DEPDC4: variants seen among roughly 807,000 people sequenced by gnomAD.
DEPDC4 encodes DEP domain containing 4.
DEPDC4 carries 52 observed loss-of-function variants against 52.0 expected under a neutral mutation model. That is an observed-to-expected ratio of 1.00 (90% CI 0.80 to 1.26). The LOEUF is 1.26. Among genes scored for constraint, DEPDC4 ranks in the 50% most tolerant of loss-of-function variants. The pLI is 0.00. For synonymous variants in DEPDC4, 201 were observed against 196.8 expected, an observed-to-expected ratio of 1.02 and a Z score of -0.18; for missense variants, 530 against 546.9, an observed-to-expected ratio of 0.97 and a Z score of 0.31.
the DEPDC4 span, among the ~76,000 whole-genome samples, chr12:100,279,348 C>T: frequency 1.3e-5 from 2 of 152,240 alleles, no homozygotes; most frequent in Non-Finnish European, 2.9e-5. Context: ...GGCAGTAATG[C>T]TTGCTCGCCT....
rs180705231 is a variant in DEPDC4 at position 100,233,783 on chromosome 12, G to T, written c.*699+4185C>A. The stretch of plus-strand genomic sequence containing the variant: ...TGCAATCTACTTGTAGAGTGTACCG[G>T]AAGGAAAGATTTCCAGGAAAAAGAT... On this transcript the variant is annotated intron_variant and NMD_transcript_variant, in intron 9 of 10. Transcript: ENST00000378244. Among the ~76,000 whole-genome samples the T allele has an allele frequency of 1.2e-4, 18 of 152,302 alleles. No individual in the cohort carries two copies. The East Asian group carries it at 3.5e-3, about 29-fold the overall frequency.
At chr12:100,265,111 C>A (rs2153925724) in intron 1 of DEPDC4, among the ~76,000 whole-genome samples, 1 of 150,318 alleles carries the variant, frequency 6.7e-6, no homozygotes, top group Non-Finnish European at 1.5e-5. Flanking sequence ...CTAGCTTGGG[C>A]AACACAGGGA....
rs1223403156 is a variant in DEPDC4 at position 100,256,186 on chromosome 12, C to T, written c.741G>A (p.Leu247=). 1.2e-6 allele frequency: 2 copies of T among 1,612,576 alleles called. No homozygotes were observed. The highest frequency in any genetic ancestry group is 3.3e-5 in the Admixed American group (2 of 59,912). ...TATTGTCCAAGAATGGAAGGTGAAT[C>T]AATTGAAGAAGACATAATAATGTTT... ...KEQTLLCLLQ[L]IHLPFLDNIL... The change falls in exon 4 of 10, where the codon TTG becomes TTA. Residue 247 remains leucine (L), a synonymous_variant. Transcript: ENST00000550587.
upstream of DEPDC4, chr12:100,267,190 C>G: frequency 1.7e-6 from 2 of 1,149,228 alleles, 1 homozygote; most frequent in South Asian, 3.0e-5. Context: ...CTTTTTCCCC[C>G]TCCCTTACTC....
intron 1 of DEPDC4, 125 bp downstream of exon 1, chr12:100,266,795 G>A: frequency 7.7e-7 from 1 of 1,303,272 alleles, no homozygotes; most frequent in Non-Finnish European, 1.0e-6. Flanking sequence ...GGTAGGGCAG[G>A]AAGGGGGCGG....
chr12:100,273,572 A>G, the DEPDC4 span, among the ~76,000 whole-genome samples: 2 of 152,218 alleles, frequency 1.3e-5, no homozygotes, highest in East Asian at 3.8e-4. Flanking sequence ...CCATACGTAC[A>G]TCAGTGTTGA....
At position 100,241,448 on chromosome 12, in the gene DEPDC4, A is replaced by C. The variant is rs2096158227; in HGVS notation, c.*444T>G. 6.6e-6 allele frequency among the ~76,000 whole-genome samples: 1 copy of C among 152,206 alleles called. No individual in the cohort carries two copies. The highest frequency in any genetic ancestry group is 2.4e-5 in the African/African-American group (1 of 41,450). ...TACAGTGACTCATGCCTATAATCCCAGCACTTTAAGAGGCCAAGGCAGGAG... is the reference window on the plus strand; with the variant it reads ...TACAGTGACTCATGCCTATAATCCCCGCACTTTAAGAGGCCAAGGCAGGAG... On this transcript the variant is annotated 3_prime_UTR_variant, in exon 10 of 10. Coordinates refer to ENST00000550587, the MANE Select transcript of DEPDC4 (RefSeq NM_001364818.2).
intron 8 of DEPDC4, among the ~76,000 whole-genome samples, chr12:100,243,496 T>C (rs559431799): frequency 2.0e-5 from 3 of 152,308 alleles, no homozygotes; most frequent in East Asian, 3.9e-4. Context: ...CCCAACTTCC[T>C]ACCCTTGGCA....
At chr12:100,261,671 A>G in intron 3 of DEPDC4, 2 of 456,392 alleles carry the variant, frequency 4.4e-6, no homozygotes, top group Non-Finnish European at 8.8e-6. Context: ...CCTCCAGTTA[A>G]TCTGGTCACA....
intron 3 of DEPDC4, chr12:100,261,840 G>A (rs1333432283): frequency 6.6e-6 from 3 of 454,344 alleles, no homozygotes; most frequent in Non-Finnish European, 1.3e-5. Context: ...GTCAGTTCTT[G>A]GAAACAGTAA....
chr12:100,258,316 A>G (rs961202082), intron 3 of DEPDC4, among the ~76,000 whole-genome samples: 11 of 152,182 alleles, frequency 7.2e-5, no homozygotes, highest in African/African-American at 2.4e-4. Flanking sequence ...AAACATGAAC[A>G]ATAAGAGAGA....
At chr12:100,264,908 A>G (rs1222106447) in intron 1 of DEPDC4, among the ~76,000 whole-genome samples, 1 of 152,162 alleles carries the variant, frequency 6.6e-6, no homozygotes, top group African/African-American at 2.4e-5. Context: ...GCCTTATCAC[A>G]TGCTGAACTT....
At chr12:100,277,058 A>T in the DEPDC4 span, among the ~76,000 whole-genome samples, 1 of 152,148 alleles carries the variant, frequency 6.6e-6, no homozygotes, top group South Asian at 2.1e-4. Flanking sequence ...TATATATTTT[A>T]ATCTATTATT....
At position 100,252,414 on chromosome 12, in the gene DEPDC4, C is replaced by G; in HGVS notation, c.1228G>C (p.Ala410Pro). 2 of 1,582,056 alleles carry G rather than the reference C, an allele frequency of 1.3e-6. No individual in the cohort carries two copies. Among genetic ancestry groups the G allele is most frequent in the Non-Finnish European group, 8.5e-7 (1 of 1,170,594 alleles). ...TFMAMASEPN[A>P]YKLQKQYDNK... is the part of the protein sequence containing the mutation. ...TTCACCTGTTTTTGCAACTTGTAGG[C>G]ATTGGGCTCTGATGCCATTGCCATA... The change falls in exon 6 of 10, where the codon GCC (alanine) becomes CCC (proline). Residue 410 changes from alanine to proline, a missense_variant. By Grantham distance (27) the Ala-to-Pro change is conservative. Transcript: ENST00000550587.
At chr12:100,233,266 T>C (rs1195346663) in intron 9 of DEPDC4, among the ~76,000 whole-genome samples, 1 of 152,214 alleles carries the variant, frequency 6.6e-6, no homozygotes, top group African/African-American at 2.4e-5. Context: ...TACATACATA[T>C]ATATAATTTT....
chr12:100,248,871 A>G (rs2096196481), intron 8 of DEPDC4, 29 bp downstream of exon 8: 1 of 948,070 alleles, frequency 1.1e-6, no homozygotes, highest in Non-Finnish European at 1.3e-6. Flanking sequence ...TCACTTAATG[A>G]TAAAGGAGGA....
intron 3 of DEPDC4, among the ~76,000 whole-genome samples, chr12:100,256,435 TTAA>T (rs1234828988): frequency 6.6e-6 from 1 of 152,164 alleles, no homozygotes; most frequent in African/African-American, 2.4e-5. Flanking sequence ...ATGAGCCATA[TTAA>T]TTTTATTTTC....
Position 100,262,365 on chromosome 12 carries a change from C to T in DEPDC4, c.599G>A (p.Gly200Asp), listed in dbSNP as rs781643612. 4.3e-6 allele frequency: 7 copies of T among 1,613,096 alleles called. No homozygotes were observed. The Admixed American group carries it at 8.4e-5, about 19-fold the overall frequency. Residue 200 changes from glycine to aspartate, a missense_variant, in exon 3 of 10, where the codon GGT becomes GAT. Coordinates refer to ENST00000550587, the MANE Select transcript of DEPDC4 (RefSeq NM_001364818.2). ...AATAAGTTCCTCAATTCTTTCCTCA[C>T]CAATCTCCTGTGCTAGAGGATTTGA... Reference protein sequence around the residue: ...MISNPLAQEIGEERIEELIHT... With the variant: ...MISNPLAQEIDEERIEELIHT...
At chr12:100,276,109 A>G in the DEPDC4 span, among the ~76,000 whole-genome samples, 1 of 152,214 alleles carries the variant, frequency 6.6e-6, no homozygotes, top group Non-Finnish European at 1.5e-5. Context: ...TTTTATTGCC[A>G]TTGCATTATT....
Sources: gnomAD v4.1 joint callset for allele counts (sites outside exome capture counted in the v4.1 genomes callset) on GRCh38, gnomAD v4.1.1 for gene constraint, MANE v1.5 for transcripts, NCBI Gene and HGNC (gene_info 2026-07-23, HGNC 2026-07-21) for gene names.